Variants in PLCZ1 observed in about 807,000 individuals in gnomAD.
The protein encoded by PLCZ1 is 1-phosphatidylinositol 4,5-bisphosphate phosphodiesterase zeta-1.
In PLCZ1, 64 loss-of-function variants were observed where a neutral mutation model predicts 76.8. That is an observed-to-expected ratio of 0.83 (90% CI 0.68 to 1.03). The LOEUF is 1.03. Ranked by LOEUF, PLCZ1 falls within the 50% of genes least tolerant of loss-of-function variation. The pLI is 0.00. For synonymous variants in PLCZ1, 248 were observed against 230.8 expected (o/e 1.07, Z -0.68); for missense variants, 751 against 713.7 (o/e 1.05, Z -0.60).
At chr12:18,703,692 G>GT (rs1956231096) in intron 7 of PLCZ1, among the ~76,000 whole-genome samples, 1 of 152,130 alleles carries the variant, frequency 6.6e-6, no homozygotes, top group African/African-American at 2.4e-5. Flanking sequence ...CTGTAATTCT[G>GT]TTCTGTACCT....
At chr12:18,736,583 A>AAATTGGAG in intron 2 of PLCZ1, 4 of 1,240,568 alleles carry the variant, frequency 3.2e-6, no homozygotes, top group Non-Finnish European at 4.2e-6. Flanking sequence ...ATTAAAGTTA[A>AAATTGGAG]AATTTGAGAA....
At chr12:18,673,702 A>G in the PLCZ1 span, among the ~76,000 whole-genome samples, 12 of 152,260 alleles carry the variant, frequency 7.9e-5, no homozygotes, top group Non-Finnish European at 1.5e-4. Context: ...TGTCTCTCAC[A>G]AGGCTACAAA....
chr12:18,723,881 C>T (rs1439778628), intron 3 of PLCZ1, among the ~76,000 whole-genome samples: 1 of 152,016 alleles, frequency 6.6e-6, no homozygotes, highest in Non-Finnish European at 1.5e-5. Flanking sequence ...TAATCTCATG[C>T]CACTGGTGTG....
At chr12:18,736,770 A>T (rs1959344319) in intron 2 of PLCZ1, 1 of 938,670 alleles carries the variant, frequency 1.1e-6, no homozygotes. Flanking sequence ...TGGAAGCATT[A>T]GATGAATTCC....
chr12:18,703,268 T>C (rs912115629), intron 7 of PLCZ1, among the ~76,000 whole-genome samples: 2 of 152,164 alleles, frequency 1.3e-5, no homozygotes, highest in African/African-American at 4.8e-5. Flanking sequence ...ATCACACAGT[T>C]CATTTTTTTC....
the PLCZ1 span, among the ~76,000 whole-genome samples, chr12:18,652,430 C>G: frequency 3.3e-5 from 5 of 152,130 alleles, no homozygotes; most frequent in Non-Finnish European, 7.4e-5. Context: ...AGAGGCATGG[C>G]AGAGATTCTT....
the PLCZ1 span, among the ~76,000 whole-genome samples, chr12:18,671,034 C>T: frequency 1.3e-5 from 2 of 151,314 alleles, no homozygotes; most frequent in African/African-American, 2.4e-5. Context: ...AAAATTAGCC[C>T]AGCTTGGTGG....
intron 12 of PLCZ1, chr12:18,693,483 C>G (rs181499892): frequency 6.2e-7 from 1 of 1,608,508 alleles, no homozygotes; most frequent in African/African-American, 1.3e-5. Context: ...ACCTTGTTAG[C>G]CAAAGCAGTA....
chr12:18,736,864 G>C (rs926540216), intron 2 of PLCZ1: 1 of 440,522 alleles, frequency 2.3e-6, no homozygotes, highest in African/African-American at 2.0e-5. Flanking sequence ...TACTACATTA[G>C]TCCAATGCCC....
At chr12:18,686,311 T>A (rs1953144512) in intron 13 of PLCZ1, among the ~76,000 whole-genome samples, 1 of 152,010 alleles carries the variant, frequency 6.6e-6, no homozygotes, top group Non-Finnish European at 1.5e-5. Context: ...CTTAAAAGTC[T>A]GAATTTTATC....
At chr12:18,688,620 C>G (rs1405126628) in intron 12 of PLCZ1, among the ~76,000 whole-genome samples, 3 of 151,016 alleles carry the variant, frequency 2.0e-5, no homozygotes, top group African/African-American at 7.3e-5. Flanking sequence ...AAAAAATGTA[C>G]CATTTAACTC....
intron 6 of PLCZ1, among the ~76,000 whole-genome samples, chr12:18,705,590 G>T (rs552849678): frequency 6.6e-6 from 1 of 152,098 alleles, no homozygotes; most frequent in South Asian, 2.1e-4. Context: ...TACTGGCCAG[G>T]CTCAGTGGCT....
At chr12:18,654,311 A>G in the PLCZ1 span, among the ~76,000 whole-genome samples, 105,323 of 149,170 alleles carry the variant, frequency 0.71, 37,424 homozygotes, top group African/African-American at 0.76. Context: ...AAAAAAAAAA[A>G]TCTATCAGAT....
chr12:18,693,096 A>G, intron 12 of PLCZ1: 1 of 1,523,390 alleles, frequency 6.6e-7, no homozygotes, highest in South Asian at 1.1e-5. Context: ...GGGGACCCCA[A>G]TGTCAGTAGG....
At chr12:18,713,038 A>G in intron 5 of PLCZ1, 52 bp from the exon 6 acceptor site, 1 of 1,595,568 alleles carries the variant, frequency 6.3e-7, no homozygotes, top group Non-Finnish European at 8.6e-7. Flanking sequence ...TTAAAAATAT[A>G]TACCAAAGTA....
At chr12:18,724,049 G>C (rs1958606061) in intron 3 of PLCZ1, among the ~76,000 whole-genome samples, 1 of 152,104 alleles carries the variant, frequency 6.6e-6, no homozygotes, top group South Asian at 2.1e-4. Context: ...CAATAAGAAA[G>C]AGTGGATTCG....
chr12:18,696,723 AT>A (rs1042493158), intron 10 of PLCZ1, among the ~76,000 whole-genome samples: 1 of 152,102 alleles, frequency 6.6e-6, no homozygotes, highest in African/African-American at 2.4e-5. Context: ...TTCCAGCTAA[AT>A]TAATCCTACT....
intron 4 of PLCZ1, 81 bp downstream of exon 4, chr12:18,723,230 T>A: frequency 8.0e-7 from 1 of 1,247,104 alleles, no homozygotes; most frequent in Non-Finnish European, 1.1e-6. Flanking sequence ...ATAAAAATAC[T>A]TTGCTTTGAA....
intron 2 of PLCZ1, 85 bp downstream of exon 2, chr12:18,737,276 C>T: frequency 1.4e-6 from 2 of 1,445,756 alleles, no homozygotes; most frequent in African/African-American, 1.4e-5. Context: ...AAATTCAGAA[C>T]TCCTCGAAAA....
Sources: gnomAD v4.1 joint callset for allele counts (sites outside exome capture counted in the v4.1 genomes callset) on GRCh38, gnomAD v4.1.1 for gene constraint, MANE v1.5 for transcripts, NCBI Gene and HGNC (gene_info 2026-07-23, HGNC 2026-07-21) for gene names.